A2M: variants seen among roughly 807,000 people sequenced by gnomAD.
A2M encodes alpha-2-macroglobulin, also known as C3 and PZP-like alpha-2-macroglobulin domain-containing protein 5.
Under a neutral mutation model 183.9 loss-of-function variants are expected in A2M, and 128 were observed. The observed-to-expected ratio is 0.70, with a 90% CI of 0.60 to 0.81. The LOEUF (loss-of-function observed/expected upper bound fraction) is 0.81. Ranked by LOEUF, A2M falls within the 30% of genes least tolerant of loss-of-function variation. The probability of loss-of-function intolerance (pLI) is 0.00; values close to 1 mark genes in which losing one functional copy is unlikely to be tolerated. For synonymous variants in A2M, 592 were observed against 670.8 expected (o/e 0.88, Z 1.81); for missense variants, 1,495 against 1,787.6 (o/e 0.84, Z 2.95).
chr12:9,110,441 T>TA (rs759832452), intron 4 of A2M, 107 bp from the exon 5 acceptor site: 15 of 580,782 alleles, frequency 2.6e-5, no homozygotes, highest in Non-Finnish European at 3.7e-5. Context: ...GTGAGTATAG[T>TA]AAAAAATAAT....
chr12:9,112,087 C>T (rs750410094), intron 4 of A2M, 72 bp downstream of exon 4: 13 of 1,457,416 alleles, frequency 8.9e-6, no homozygotes, highest in African/African-American at 1.4e-5. Flanking sequence ...CCTGGTCTTC[C>T]CTCAGCACAA....
chr12:9,109,757 C>A, intron 6 of A2M, 110 bp downstream of exon 6: 1 of 1,088,000 alleles, frequency 9.2e-7, no homozygotes. Flanking sequence ...CTACTCCAAG[C>A]CCAATGTCAC....
At position 9,102,941 on chromosome 12, in the gene A2M, G is replaced by A. The variant is rs376665715; in HGVS notation, c.1267-1267C>T. On this transcript the variant is annotated intron_variant, in intron 11 of 35. Transcript: ENST00000318602. ...AAGGTAAAACTCTAAAGAGGCAGGC[G>A]TTTTCCATTACCATGATTATGTAAT... Among the ~76,000 whole-genome samples the A allele has an allele frequency of 5.9e-5, 9 of 151,906 alleles. 1 individual carries two copies. The highest frequency in any genetic ancestry group is 4.2e-4 in the South Asian group (2 of 4,808).
chr12:9,082,831 C>G (rs7309361), intron 22 of A2M, among the ~76,000 whole-genome samples: 59,986 of 152,072 alleles, frequency 0.39, 12,893 homozygotes, highest in African/African-American at 0.55. Flanking sequence ...CACCAACAAA[C>G]TGAGAAGTTT....
Position 9,079,773 on chromosome 12 carries a change from A to G in A2M, c.2897T>C (p.Leu966Pro). Reference sequence around the variant, plus strand: ...CTCTCCACAGCCATAGGGCATCTGGAGAAGATTTTGTGTGTTTTGCATGGC... The same window carrying G: ...CTCTCCACAGCCATAGGGCATCTGGGGAAGATTTTGTGTGTTTTGCATGGC... ...GSAMQNTQNL[L>P]QMPYGCGEQN... Residue 966 changes from leucine to proline, a missense_variant, in exon 24 of 36, where the codon CTC becomes CCC. By Grantham distance (98) the Leu-to-Pro change is moderately conservative. Coordinates refer to ENST00000318602, the MANE Select transcript of A2M (RefSeq NM_000014.6). 6.2e-7 allele frequency: 1 copy of G among 1,612,692 alleles called. No individual in the cohort carries two copies. Among genetic ancestry groups the G allele is most frequent in the Non-Finnish European group, 8.5e-7 (1 of 1,179,438 alleles).
intron 14 of A2M, 64 bp from the exon 15 acceptor site, chr12:9,098,820 AT>A: frequency 6.4e-7 from 1 of 1,558,638 alleles, no homozygotes; most frequent in Non-Finnish European, 8.7e-7. Context: ...ATTCACTCGC[AT>A]TTGCAGAGTG....
chr12:9,099,286 C>T, intron 14 of A2M, 95 bp downstream of exon 14: 1 of 1,193,716 alleles, frequency 8.4e-7, no homozygotes, highest in South Asian at 1.4e-5. Context: ...TTTGTTTAAC[C>T]CTTTTGGCCC....
intron 21 of A2M, among the ~76,000 whole-genome samples, chr12:9,089,680 G>A (rs1290614987): frequency 6.6e-6 from 1 of 152,152 alleles, no homozygotes; most frequent in East Asian, 1.9e-4. Context: ...GGCGGAGGTT[G>A]CAGTGAGCAG....
intron 29 of A2M, 93 bp downstream of exon 29, chr12:9,074,467 T>C (rs1034459235): frequency 8.3e-7 from 1 of 1,208,544 alleles, no homozygotes; most frequent in Admixed American, 2.4e-5. Flanking sequence ...TACTGTCATC[T>C]GTATTTTTTT....
rs377640546 is a variant in A2M at position 9,079,233 on chromosome 12, T to C, written c.3119+11A>G. Reference sequence around the variant, plus strand: ...CACAAAAAGAAGCTCAAAAAATTGTTCTTTCCTTACCAGGTGTTGCCCTGG... The same window carrying C: ...CACAAAAAGAAGCTCAAAAAATTGTCCTTTCCTTACCAGGTGTTGCCCTGG... On this transcript the variant is annotated intron_variant, in intron 25 of 35. Coordinates refer to ENST00000318602, the MANE Select transcript of A2M (RefSeq NM_000014.6). The C allele has an allele frequency of 6.8e-6, 11 of 1,611,046 alleles. No homozygotes were observed. The African/African-American group carries it at 1.5e-4, about 22-fold the overall frequency.
intron 31 of A2M, 31 bp downstream of exon 31, chr12:9,072,328 A>G (rs1289898159): frequency 6.2e-7 from 1 of 1,608,574 alleles, no homozygotes. Flanking sequence ...GGTTATTCTT[A>G]GGATTAGGTG....
chr12:9,111,962 G>T, intron 4 of A2M, 197 bp downstream of exon 4: 1 of 747,472 alleles, frequency 1.3e-6, no homozygotes, highest in South Asian at 1.4e-5. Flanking sequence ...CTGAGTACCA[G>T]CACCAAGACA....
intron 22 of A2M, among the ~76,000 whole-genome samples, chr12:9,086,289 T>A (rs946904225): frequency 6.6e-6 from 1 of 152,138 alleles, no homozygotes; most frequent in Non-Finnish European, 1.5e-5. Flanking sequence ...CACCTGTGGG[T>A]GGCTGAGGTG....
At chr12:9,068,129 G>A (rs764506952) in intron 35 of A2M, 54 bp downstream of exon 35, 28 of 1,585,444 alleles carry the variant, frequency 1.8e-5, no homozygotes, top group Middle Eastern at 1.7e-4. Flanking sequence ...AGAAGGTTTG[G>A]GGGGCAAGCT....
Position 9,098,719 on chromosome 12 carries a change from G to A in A2M, c.1739C>T (p.Ala580Val), listed in dbSNP as rs917472946. Residue 580 changes from alanine (A) to valine (V), a missense_variant, in exon 15 of 36, where the codon GCC (alanine) becomes GTC (valine). Transcript: ENST00000318602. ...TGTGACTCGCAGGTGGGCGTGTGAG[G>A]CTGGGAGACTTTGTGATGGGCTGAA... ...LSFSPSQSLP[A>V]SHAHLRVTAA... The A allele has an allele frequency of 8.1e-6, 13 of 1,612,968 alleles. No individual in the cohort carries two copies. The highest frequency in any genetic ancestry group is 1.1e-5 in the Non-Finnish European group (13 of 1,179,718).
intron 11 of A2M, among the ~76,000 whole-genome samples, chr12:9,102,705 A>G (rs1440339787): frequency 6.6e-6 from 1 of 152,130 alleles, no homozygotes; most frequent in Non-Finnish European, 1.5e-5. Flanking sequence ...TCATATCTTA[A>G]TGTATATTTT....
chr12:9,115,384 T>C (rs1939044263), intron 1 of A2M: 2 of 176,484 alleles, frequency 1.1e-5, no homozygotes, highest in East Asian at 1.5e-4. Flanking sequence ...CATTGTTCCA[T>C]GTTTGGTTGT....
intron 33 of A2M, among the ~76,000 whole-genome samples, chr12:9,069,474 C>G (rs965733497): frequency 1.3e-5 from 2 of 152,038 alleles, no homozygotes; most frequent in African/African-American, 2.4e-5. Context: ...ATCCAAAAAA[C>G]TTGTCAACAT....
intron 8 of A2M, among the ~76,000 whole-genome samples, 154 bp downstream of exon 8, chr12:9,107,370 T>C (rs1274208622): frequency 6.6e-6 from 1 of 152,242 alleles, no homozygotes; most frequent in South Asian, 2.1e-4. Flanking sequence ...ATTCCCATTG[T>C]GCTAAGTTCA....
Sources: allele counts gnomAD v4.1 joint callset (sites outside exome capture counted in the v4.1 genomes callset), GRCh38; gene constraint gnomAD v4.1.1; transcripts MANE v1.5; gene names NCBI Gene and HGNC (gene_info 2026-07-23, HGNC 2026-07-21).